The following SRGAP3 variants were observed in gnomAD, a reference collection of about 807,000 sequenced individuals.
SRGAP3 encodes SLIT-ROBO Rho GTPase activating protein 3, also known as SLIT-ROBO Rho GTPase-activating protein 3.
SRGAP3 carries 39 observed loss-of-function variants against 121.1 expected under a neutral mutation model. That is an observed-to-expected ratio of 0.32 (90% CI 0.25 to 0.42). SRGAP3 has a LOEUF of 0.42. Ranked by LOEUF, SRGAP3 falls within the 10% of genes least tolerant of loss-of-function variation. The probability of loss-of-function intolerance (pLI) is 1.00; values close to 1 mark genes in which losing one functional copy is unlikely to be tolerated. For synonymous variants in SRGAP3, 601 were observed against 570.0 expected (o/e 1.05, Z -0.77); for missense variants, 1,213 against 1,470.6 (o/e 0.82, Z 2.86).
intron 7 of SRGAP3, 59 bp downstream of exon 7, chr3:9,058,192 G>C: frequency 2.6e-6 from 4 of 1,553,238 alleles, no homozygotes; most frequent in Non-Finnish European, 3.6e-6. Context: ...TGATGTACTG[G>C]AGCACATGGG....
At chr3:9,022,799 G>A (rs1167917243) in intron 14 of SRGAP3, among the ~76,000 whole-genome samples, 2 of 152,214 alleles carry the variant, frequency 1.3e-5, no homozygotes, top group South Asian at 2.1e-4. Context: ...GTTTTGGAAC[G>A]ATGGGAAGAG....
chr3:9,267,792 T>C (rs1954394526), intron 3 of SRGAP3, among the ~76,000 whole-genome samples: 1 of 152,148 alleles, frequency 6.6e-6, no homozygotes, highest in African/African-American at 2.4e-5. Flanking sequence ...CTTCTGAGTA[T>C]CAGGTACCCT....
At chr3:9,178,661 A>G (rs1196793998) in intron 1 of SRGAP3, among the ~76,000 whole-genome samples, 2 of 152,178 alleles carry the variant, frequency 1.3e-5, no homozygotes, top group African/African-American at 2.4e-5. Context: ...CTCCCAGGCC[A>G]GTGCTCCTGC....
intron 2 of SRGAP3, among the ~76,000 whole-genome samples, chr3:9,111,835 C>T (rs2124936897): frequency 6.6e-6 from 1 of 152,346 alleles, no homozygotes; most frequent in African/African-American, 2.4e-5. Context: ...GACCCTTCCG[C>T]TTCTCCAATC....
intron 1 of SRGAP3, among the ~76,000 whole-genome samples, chr3:9,185,800 G>C (rs190551068): frequency 1.1e-3 from 161 of 152,174 alleles, no homozygotes; most frequent in African/African-American, 3.4e-3. Flanking sequence ...GCTTCCCAAA[G>C]TGCTGTGATT....
intron 1 of SRGAP3, among the ~76,000 whole-genome samples, chr3:9,206,124 T>A (rs895338963): frequency 6.6e-6 from 1 of 152,180 alleles, no homozygotes; most frequent in African/African-American, 2.4e-5. Flanking sequence ...AACTGTACAT[T>A]TTATCTTCAG....
intron 3 of SRGAP3, among the ~76,000 whole-genome samples, chr3:9,276,117 C>T (rs1329730248): frequency 6.6e-6 from 1 of 152,148 alleles, no homozygotes; most frequent in Non-Finnish European, 1.5e-5. Context: ...AAGATTATCA[C>T]CATCAAGACT....
chr3:9,136,177 C>T (rs1184077000), intron 1 of SRGAP3, among the ~76,000 whole-genome samples: 2 of 152,116 alleles, frequency 1.3e-5, no homozygotes, highest in Non-Finnish European at 2.9e-5. Flanking sequence ...GCCCACGTTT[C>T]GCTCCTTCTC....
chr3:9,004,528 A>C (rs1942953837), intron 18 of SRGAP3, among the ~76,000 whole-genome samples: 1 of 152,224 alleles, frequency 6.6e-6, no homozygotes, highest in African/African-American at 2.4e-5. Context: ...CTTACTACAA[A>C]GCAACAGTAA....
intron 21 of SRGAP3, among the ~76,000 whole-genome samples, chr3:8,988,106 A>C (rs1941828370): frequency 2.6e-5 from 4 of 151,934 alleles, no homozygotes. Context: ...GCAGCCTTGC[A>C]TTAGTCCGAG....
intron 1 of SRGAP3, among the ~76,000 whole-genome samples, chr3:9,173,540 T>A (rs1467301211): frequency 6.6e-6 from 1 of 152,126 alleles, no homozygotes; most frequent in Non-Finnish European, 1.5e-5. Context: ...GAGGAGAAGA[T>A]GATGGGGAGA....
chr3:9,347,568 C>T (rs1955929425), intron 1 of SRGAP3, among the ~76,000 whole-genome samples: 1 of 152,152 alleles, frequency 6.6e-6, no homozygotes, highest in South Asian at 2.1e-4. Flanking sequence ...GCTACTCAGC[C>T]ACTGACCTGC....
At chr3:9,190,173 A>G (rs985289043) in intron 1 of SRGAP3, among the ~76,000 whole-genome samples, 1 of 152,208 alleles carries the variant, frequency 6.6e-6, no homozygotes, top group Non-Finnish European at 1.5e-5. Flanking sequence ...AATCGGTGGA[A>G]GATTCTGGTA....
At chr3:9,166,032 CAAT>C (rs1428205616) in intron 1 of SRGAP3, among the ~76,000 whole-genome samples, 1 of 152,176 alleles carries the variant, frequency 6.6e-6, no homozygotes, top group African/African-American at 2.4e-5. Context: ...GTTGAATACA[CAAT>C]AATGAGTGAG....
intron 1 of SRGAP3, among the ~76,000 whole-genome samples, chr3:9,351,296 A>C (rs1196265379): frequency 6.6e-6 from 1 of 152,248 alleles, no homozygotes; most frequent in Non-Finnish European, 1.5e-5. Context: ...GCCATGTGCC[A>C]GAAATTTTAC....
At chr3:9,248,118 C>T (rs1953890129) in intron 1 of SRGAP3, among the ~76,000 whole-genome samples, 1 of 152,250 alleles carries the variant, frequency 6.6e-6, no homozygotes, top group Non-Finnish European at 1.5e-5. Context: ...TCCCGGCAGG[C>T]TTCTCCTGGA....
intron 3 of SRGAP3, among the ~76,000 whole-genome samples, chr3:9,280,709 A>G (rs1232677414): frequency 1.3e-5 from 2 of 152,236 alleles, no homozygotes; most frequent in Non-Finnish European, 2.9e-5. Flanking sequence ...CGGATATGAC[A>G]GTACCCACTC....
At chr3:9,276,501 C>T (rs371872317) in intron 3 of SRGAP3, among the ~76,000 whole-genome samples, 1 of 151,562 alleles carries the variant, frequency 6.6e-6, no homozygotes. Context: ...TCTCGGCTCA[C>T]TGCAACCTCT....
chr3:9,134,358 C>A (rs1949566318), intron 1 of SRGAP3, among the ~76,000 whole-genome samples: 1 of 152,162 alleles, frequency 6.6e-6, no homozygotes, highest in Non-Finnish European at 1.5e-5. Context: ...CACTTGCCCC[C>A]TCTGCTCCAC....
Sources: gnomAD v4.1 joint callset for allele counts (sites outside exome capture counted in the v4.1 genomes callset) on GRCh38, gnomAD v4.1.1 for gene constraint, MANE v1.5 for transcripts, NCBI Gene and HGNC (gene_info 2026-07-23, HGNC 2026-07-21) for gene names.